The following DENR variants were observed in gnomAD, a reference collection of about 807,000 sequenced individuals.
The protein encoded by DENR is density regulated re-initiation and release factor.
In DENR, 6 loss-of-function variants were observed where a neutral mutation model predicts 30.6. The observed-to-expected ratio is 0.20, with a 90% CI of 0.11 to 0.39. DENR has a LOEUF of 0.39. DENR is among the 10% of genes least tolerant of loss of function. The probability of loss-of-function intolerance (pLI) is 1.00; values close to 1 mark genes in which losing one functional copy is unlikely to be tolerated. For synonymous variants in DENR, 78 were observed against 72.1 expected (o/e 1.08, Z -0.41); for missense variants, 141 against 230.9 (o/e 0.61, Z 2.52).
chr12:122,755,657 A>G (rs1482541436), intron 2 of DENR, among the ~76,000 whole-genome samples: 1 of 152,218 alleles, frequency 6.6e-6, no homozygotes, highest in African/African-American at 2.4e-5. Context: ...ATAGATTCCT[A>G]TTATATTTTT....
At position 122,754,014 on chromosome 12, in the gene DENR, C is replaced by T. The variant is rs78403365; in HGVS notation, c.106+207C>T. 2,707 of 590,108 alleles carry T rather than the reference C, an allele frequency of 4.6e-3. 52 individuals are homozygous for T. The highest frequency in any genetic ancestry group is 0.042 in the East Asian group (1,439 of 34,492). The allele number at this position is 590,108 out of a possible 1,614,324, so 36.6% of individuals were successfully genotyped here. A position where few individuals can be genotyped will look rare whatever the true frequency, so the allele number is the denominator to read the frequency against. Reference sequence around the variant, plus strand: ...TGTCTGGCTACTCTGCCTGAAGAAGCTTACAGTCCATTTGTAACAGGATGT... The same window carrying T: ...TGTCTGGCTACTCTGCCTGAAGAAGTTTACAGTCCATTTGTAACAGGATGT... On this transcript the variant is annotated intron_variant, in intron 2 of 7. Transcript: ENST00000280557.
chr12:122,760,319 G>A (rs1356547892), intron 2 of DENR, among the ~76,000 whole-genome samples: 1 of 152,162 alleles, frequency 6.6e-6, no homozygotes, highest in Non-Finnish European at 1.5e-5. Context: ...AAAACATTTG[G>A]CACATACTAG....
chr12:122,768,716 A>T (rs1478536855), intron 6 of DENR, 66 bp from the exon 7 acceptor site: 7 of 1,402,118 alleles, frequency 5.0e-6, no homozygotes, highest in Non-Finnish European at 6.7e-6. Flanking sequence ...TTAAATTTCA[A>T]AATGGAAAAA....
intron 2 of DENR, among the ~76,000 whole-genome samples, chr12:122,759,711 AC>A (rs1188472202): frequency 3.3e-5 from 5 of 150,308 alleles, no homozygotes; most frequent in African/African-American, 9.7e-5. Flanking sequence ...ACAGAGCAAA[AC>A]CCCAATTTTT....
intron 6 of DENR, chr12:122,768,158 T>TAA: frequency 6.5e-6 from 1 of 152,776 alleles, no homozygotes; most frequent in Non-Finnish European, 1.5e-5. Context: ...ACATATTTCT[T>TAA]TGTTCCTTCT....
intron 2 of DENR, among the ~76,000 whole-genome samples, chr12:122,758,135 G>C (rs966861243): frequency 3.3e-5 from 5 of 152,170 alleles, no homozygotes; most frequent in African/African-American, 1.2e-4. Context: ...GTAATGGCGT[G>C]ATCTCGGCTC....
intron 5 of DENR, among the ~76,000 whole-genome samples, chr12:122,765,942 A>T (rs1028487584): frequency 1.3e-5 from 2 of 151,988 alleles, no homozygotes; most frequent in Non-Finnish European, 2.9e-5. Context: ...CTCCTTCTCA[A>T]ACCAACTCCT....
rs1878920524 is a variant in DENR, at chr12:122,768,852, G to A, written c.483G>A (p.Glu161=). Residue 161 remains glutamate (E), a synonymous_variant, in exon 7 of 8, where the codon GAG becomes GAA. Transcript: ENST00000280557. ...CCTGTGGTGCCTCAGTAACAGGGGA[G>A]GATGAAATTATCATTCAGGGAGATT... ...KFSCGASVTG[E]DEIIIQGDFT... 6.2e-7 allele frequency: 1 copy of A among 1,611,314 alleles called. No homozygotes were observed.
chr12:122,755,697 T>C (rs1239616541), intron 2 of DENR, among the ~76,000 whole-genome samples: 1 of 152,236 alleles, frequency 6.6e-6, no homozygotes, highest in African/African-American at 2.4e-5. Context: ...AACAACTCTT[T>C]AAATTTGGAA....
At chr12:122,754,563 G>A (rs913636077) in intron 2 of DENR, among the ~76,000 whole-genome samples, 1 of 152,030 alleles carries the variant, frequency 6.6e-6, no homozygotes, top group African/African-American at 2.4e-5. Flanking sequence ...TTAGGTGCTG[G>A]GGCCTGAGTA....
intron 3 of DENR, 113 bp from the exon 4 acceptor site, chr12:122,762,732 G>T: frequency 1.4e-6 from 1 of 699,464 alleles, no homozygotes. Flanking sequence ...AGTCAGATGG[G>T]AGTGGTTTGT....
chr12:122,766,165 G>A (rs1878844258), intron 5 of DENR, among the ~76,000 whole-genome samples: 1 of 151,884 alleles, frequency 6.6e-6, no homozygotes, highest in Non-Finnish European at 1.5e-5. Flanking sequence ...TCTGTTCTGT[G>A]GTACACTGTT....
At chr12:122,765,541 C>T (rs1352501497) in intron 5 of DENR, among the ~76,000 whole-genome samples, 154 bp downstream of exon 5, 1 of 152,094 alleles carries the variant, frequency 6.6e-6, no homozygotes, top group Non-Finnish European at 1.5e-5. Flanking sequence ...CACTTAAGCC[C>T]AGGAGTTCAA....
Position 122,769,177 on chromosome 12 carries a change from T to G in DENR, c.*99T>G. On this transcript the variant is annotated 3_prime_UTR_variant, in exon 8 of 8. Coordinates refer to ENST00000280557, the MANE Select transcript of DENR (RefSeq NM_003677.5). The stretch of plus-strand genomic sequence containing the variant: ...ATATATATATATATACACATATATA[T>G]GTATATATACACATATATGTATGTA... 2 of 1,150,560 alleles carry G rather than the reference T, an allele frequency of 1.7e-6. No homozygotes were observed. The highest frequency in any genetic ancestry group is 2.3e-6 in the Non-Finnish European group (2 of 876,934). 71.3% of individuals were successfully genotyped at this position (1,150,560 alleles called of 1,614,324 possible). A position where few individuals can be genotyped will look rare whatever the true frequency, so the allele number is the denominator to read the frequency against.
Position 122,770,893 on chromosome 12 carries a change from T to C in DENR, c.*1815T>C. 1 of 395,550 alleles carries C rather than the reference T, an allele frequency of 2.5e-6. No homozygotes were observed. Among genetic ancestry groups the C allele is most frequent in the Non-Finnish European group, 4.4e-6 (1 of 224,772 alleles). 24.5% of individuals were successfully genotyped at this position (395,550 alleles called of 1,614,324 possible). ...CATCGAGACTATCTGGTATGCGTTA[T>C]GTATGTAGTCTGTTGCTGCTGAAAG... On this transcript the variant is annotated 3_prime_UTR_variant, in exon 8 of 8. Transcript: ENST00000280557.
intron 2 of DENR, among the ~76,000 whole-genome samples, chr12:122,759,537 A>G (rs565859902): frequency 1.3e-5 from 2 of 152,244 alleles, no homozygotes; most frequent in African/African-American, 4.8e-5. Context: ...CCTGGCCAAC[A>G]TGGCAAAACC....
intron 2 of DENR, among the ~76,000 whole-genome samples, chr12:122,758,423 C>A (rs1009578597): frequency 1.3e-5 from 2 of 152,156 alleles, no homozygotes; most frequent in African/African-American, 2.4e-5. Context: ...GCCAAGACCA[C>A]CACAGAAGTG....
rs1343280554 is a variant in DENR, at chr12:122,770,666, T to G, written c.*1588T>G. ...CAAATTGGAAAGAAGACTTGTGGTG[T>G]TTTAAGTTGCTGTGGACACTTTTAA... On this transcript the variant is annotated 3_prime_UTR_variant, in exon 8 of 8. Transcript: ENST00000280557. 7.5e-6 allele frequency: 3 copies of G among 398,428 alleles called. No homozygotes were observed. Among genetic ancestry groups the G allele is most frequent in the Admixed American group, 4.4e-5 (1 of 22,708 alleles). The allele number at this position is 398,428 out of a possible 1,614,324, so 24.7% of individuals were successfully genotyped here.
At chr12:122,762,126 C>T in intron 2 of DENR, 61 bp from the exon 3 acceptor site, 1 of 1,098,044 alleles carries the variant, frequency 9.1e-7, no homozygotes, top group South Asian at 1.7e-5. Context: ...AGGATAAGCC[C>T]TGTGTATGTG....
Sources: allele counts gnomAD v4.1 joint callset (sites outside exome capture counted in the v4.1 genomes callset), GRCh38; gene constraint gnomAD v4.1.1; transcripts MANE v1.5; gene names NCBI Gene and HGNC (gene_info 2026-07-23, HGNC 2026-07-21).